OGT: variants seen among roughly 807,000 people sequenced by gnomAD.
OGT encodes the protein UDP-N-acetylglucosamine--peptide N-acetylglucosaminyltransferase 110 kDa subunit.
A neutral mutation model predicts 75.8 loss-of-function variants in OGT; 3 were observed. The observed-to-expected ratio is 0.04, with a 90% CI of 0.02 to 0.10. OGT has a LOEUF of 0.10. Among genes scored for constraint, OGT ranks in the 10% least tolerant of loss-of-function variants. OGT has a pLI of 1.00. For missense variants in OGT, 260 were observed against 824.4 expected, an observed-to-expected ratio of 0.32 and a Z score of 8.38; for synonymous variants, 257 against 289.7, an observed-to-expected ratio of 0.89 and a Z score of 1.15.
intron 15 of OGT, 131 bp downstream of exon 15, chrX:71,562,031 G>T (rs937394399): frequency 1.0e-4 from 65 of 620,100 alleles, no homozygotes; most frequent in Non-Finnish European, 1.4e-4. Context: ...TTTTTAAGTT[G>T]TTGAAATGCA....
At chrX:71,540,491 A>G (rs2147669744) in intron 3 of OGT, among the ~76,000 whole-genome samples, 1 of 112,123 alleles carries the variant, frequency 8.9e-6, no homozygotes, top group South Asian at 3.7e-4. Context: ...TAACCTTGGT[A>G]ACTGTTTTCA....
At chrX:71,558,965 T>C (rs1373303889) in intron 12 of OGT, among the ~76,000 whole-genome samples, 1 of 97,341 alleles carries the variant, frequency 1.0e-5, no homozygotes, top group Non-Finnish European at 2.1e-5. Flanking sequence ...TTTTTTTTAG[T>C]AGAGATTGGA....
In OGT at chrX:71,544,477, GGCAGGGAGCTAGAT is replaced by G. The variant is rs1251206061; in HGVS notation, c.463-87_463-74del. 3 of 812,093 alleles carry G rather than the reference GGCAGGGAGCTAGAT, an allele frequency of 3.7e-6. No homozygotes were observed. The East Asian group carries it at 1.0e-4, about 28-fold the overall frequency. The allele number at this position is 812,093 out of a possible 1,213,427, so 66.9% of individuals were successfully genotyped here. A position where few individuals can be genotyped will look rare whatever the true frequency, so the allele number is the denominator to read the frequency against. ...GTATCTTTAGTTGATAGAATAAAAT[GGCAGGGAGCTAGAT>G]GCTTAAAAGTGATTTCAAGATATTT... is the stretch of plus-strand genomic sequence containing the variant. On this transcript the variant is annotated intron_variant, in intron 3 of 21. Coordinates refer to ENST00000373719, the MANE Select transcript of OGT (RefSeq NM_181672.3).
At chrX:71,569,392 TAAAC>T (rs2040438634) in intron 21 of OGT, among the ~76,000 whole-genome samples, 1 of 112,236 alleles carries the variant, frequency 8.9e-6, no homozygotes, top group African/African-American at 3.2e-5. Context: ...GTGTAAGAAA[TAAAC>T]AAAGCATAAC....
chrX:71,541,304 A>G (rs758605048), intron 3 of OGT, among the ~76,000 whole-genome samples: 95 of 111,596 alleles, frequency 8.5e-4, no homozygotes, highest in African/African-American at 2.9e-3. Context: ...GTAGAAAACC[A>G]TATATTTCGA....
chrX:71,547,466 C>T, intron 4 of OGT: 2 of 759,303 alleles, frequency 2.6e-6, no homozygotes, highest in Non-Finnish European at 3.1e-6. Context: ...AGCCATACCT[C>T]TTAACACCTC....
intron 6 of OGT, 56 bp from the exon 7 acceptor site, chrX:71,555,134 T>TTGTGTGTGTGTGTGTG (rs376605851): frequency 5.1e-5 from 27 of 533,787 alleles, no homozygotes; most frequent in East Asian, 2.5e-4. Flanking sequence ...GAGTTACATT[T>TTGTGTGTGTGTGTGTG]TGTGTGTGTG....
intron 4 of OGT, chrX:71,547,348 A>G: frequency 1.4e-6 from 1 of 696,644 alleles, no homozygotes; most frequent in East Asian, 1.6e-4. Context: ...GAAGAGTTCC[A>G]TGGTCAACTA....
intron 5 of OGT, among the ~76,000 whole-genome samples, chrX:71,552,165 C>T (rs775044057): frequency 4.6e-5 from 5 of 109,451 alleles, no homozygotes; most frequent in South Asian, 7.9e-4. Context: ...GAGGAGGTTG[C>T]GGTGAGCCAA....
intron 5 of OGT, among the ~76,000 whole-genome samples, chrX:71,550,013 A>G (rs1172233929): frequency 3.6e-5 from 4 of 112,369 alleles, no homozygotes; most frequent in African/African-American, 9.7e-5. Flanking sequence ...TAACTGAAAT[A>G]TACTAAAACT....
At chrX:71,558,765 CTTTTTT>C (rs397895020) in intron 12 of OGT, among the ~76,000 whole-genome samples, 15 of 61,478 alleles carry the variant, frequency 2.4e-4, no homozygotes, top group African/African-American at 1.2e-3. Flanking sequence ...TTTGCTCGTA[CTTTTTT>C]TTTTTTTTTT....
At chrX:71,538,366 CTT>C (rs1363580106) in intron 3 of OGT, among the ~76,000 whole-genome samples, 1 of 112,259 alleles carries the variant, frequency 8.9e-6, no homozygotes, top group Non-Finnish European at 1.9e-5. Context: ...TTGTGATTAA[CTT>C]TGGATAAATT....
At chrX:71,542,124 T>C (rs1399747347) in intron 3 of OGT, among the ~76,000 whole-genome samples, 2 of 112,273 alleles carry the variant, frequency 1.8e-5, no homozygotes, top group Non-Finnish European at 3.8e-5. Flanking sequence ...CTTTTCCCTA[T>C]AGTTCCAGGC....
intron 19 of OGT, among the ~76,000 whole-genome samples, chrX:71,566,296 A>G (rs1028845037): frequency 8.9e-6 from 1 of 111,900 alleles, no homozygotes; most frequent in Non-Finnish European, 1.9e-5. Context: ...CTGAACTAAC[A>G]TTAGGGTATA....
intron 14 of OGT, among the ~76,000 whole-genome samples, chrX:71,560,853 T>A (rs746448883): frequency 3.6e-5 from 4 of 111,338 alleles, no homozygotes; most frequent in African/African-American, 1.3e-4. Flanking sequence ...CTTTCTCTGT[T>A]TGCCACAACT....
chrX:71,559,184 A>G (rs1771427160), intron 12 of OGT, 83 bp from the exon 13 acceptor site: 12 of 905,022 alleles, frequency 1.3e-5, no homozygotes, highest in Admixed American at 2.5e-5. Context: ...GGTGTGAGGT[A>G]TAGGTTTGGT....
intron 8 of OGT, 147 bp downstream of exon 8, chrX:71,556,241 T>G: frequency 1.6e-6 from 1 of 612,920 alleles, no homozygotes; most frequent in Non-Finnish European, 2.5e-6. Flanking sequence ...GTACCTAAGG[T>G]ATGATGTGAG....
At chrX:71,570,656 A>G (rs2040451663) in intron 21 of OGT, among the ~76,000 whole-genome samples, 1 of 111,704 alleles carries the variant, frequency 9.0e-6, no homozygotes. Context: ...CATTCAGCAG[A>G]TGTTAGCTAC....
chrX:71,557,741 A>T (rs761825011), intron 12 of OGT, 69 bp downstream of exon 12: 45 of 947,538 alleles, frequency 4.7e-5, no homozygotes, highest in Non-Finnish European at 6.4e-5. Context: ...GTAAAAATCA[A>T]ATCTGTGGCT....
Sources: allele counts gnomAD v4.1 joint callset (sites outside exome capture counted in the v4.1 genomes callset), GRCh38; gene constraint gnomAD v4.1.1; transcripts MANE v1.5; gene names NCBI Gene and HGNC (gene_info 2026-07-23, HGNC 2026-07-21).